The following JAZF1 variants were observed in gnomAD, a reference collection of about 807,000 sequenced individuals.
JAZF1 encodes JAZF zinc finger 1.
In JAZF1, 8 loss-of-function variants were observed where a neutral mutation model predicts 26.4. That is an observed-to-expected ratio of 0.30 (90% confidence interval 0.18 to 0.55). The LOEUF is 0.55. Ranked by LOEUF, JAZF1 falls within the 20% of genes least tolerant of loss-of-function variation. The pLI is 0.94. For missense variants in JAZF1, 199 were observed against 322.0 expected, an observed-to-expected ratio of 0.62 and a Z score of 2.92; for synonymous variants, 126 against 122.3, an observed-to-expected ratio of 1.03 and a Z score of -0.20.
At chr7:27,957,151 GAATTT>G (rs75709769) in intron 2 of JAZF1, among the ~76,000 whole-genome samples, 10,188 of 152,126 alleles carry the variant, frequency 0.067, 460 homozygotes, top group South Asian at 0.15. Flanking sequence ...TAAGTGAACT[GAATTT>G]AAATCCTCAA....
intron 2 of JAZF1, among the ~76,000 whole-genome samples, chr7:27,962,089 A>G (rs965075606): frequency 2.0e-5 from 3 of 152,230 alleles, no homozygotes; most frequent in African/African-American, 7.2e-5. Context: ...GCTTTTTCAT[A>G]TCAACTTTTG....
chr7:27,971,986 C>T (rs1401116483), intron 2 of JAZF1, among the ~76,000 whole-genome samples: 3 of 152,114 alleles, frequency 2.0e-5, no homozygotes, highest in African/African-American at 7.2e-5. Flanking sequence ...ATTTATTGAG[C>T]TACTACTGTG....
rs185342281 is a variant in JAZF1 at position 28,114,163 on chromosome 7, C to T, written c.115+66300G>A. Among the ~76,000 whole-genome samples the T allele has an allele frequency of 7.8e-4, 119 of 152,258 alleles. 1 individual carries two copies. Among genetic ancestry groups the T allele is most frequent in the Non-Finnish European group, 1.4e-3 (93 of 68,028 alleles). On this transcript the variant is annotated intron_variant, in intron 1 of 4. Transcript: ENST00000283928. Reference sequence around the variant, plus strand: ...GTAACCGAAGTAAGATCCCACAGACCAGACTGTGGAGAACTTCATTATTCC... The same window carrying T: ...GTAACCGAAGTAAGATCCCACAGACTAGACTGTGGAGAACTTCATTATTCC...
At chr7:27,913,896 A>G (rs1784402720) in intron 2 of JAZF1, among the ~76,000 whole-genome samples, 1 of 152,186 alleles carries the variant, frequency 6.6e-6, no homozygotes, top group Admixed American at 6.5e-5. Context: ...GCCTGTGATA[A>G]GCTTTTAACC....
intron 1 of JAZF1, among the ~76,000 whole-genome samples, chr7:28,083,425 A>G (rs187183742): frequency 1.1e-4 from 17 of 152,288 alleles, no homozygotes; most frequent in African/African-American, 3.1e-4. Context: ...TGGGAGTACC[A>G]TGGGTTGCAG....
At chr7:27,948,399 A>G (rs1274468394) in intron 2 of JAZF1, among the ~76,000 whole-genome samples, 5 of 152,176 alleles carry the variant, frequency 3.3e-5, no homozygotes, top group Non-Finnish European at 2.9e-5. Flanking sequence ...ATCTAATCAA[A>G]CAAATCTGGC....
At chr7:28,017,837 G>A (rs1782923927) in intron 1 of JAZF1, among the ~76,000 whole-genome samples, 1 of 152,164 alleles carries the variant, frequency 6.6e-6, no homozygotes, top group African/African-American at 2.4e-5. Flanking sequence ...GCAGTGGCAC[G>A]ATCTCGGTTC....
At chr7:28,038,789 A>G (rs2128376654) in intron 1 of JAZF1, among the ~76,000 whole-genome samples, 1 of 152,352 alleles carries the variant, frequency 6.6e-6, no homozygotes, top group Middle Eastern at 3.4e-3. Flanking sequence ...CAAAAAAGAT[A>G]CAAATTTATT....
intron 3 of JAZF1, among the ~76,000 whole-genome samples, chr7:27,876,021 TC>T: frequency 6.6e-6 from 1 of 152,168 alleles, no homozygotes; most frequent in East Asian, 1.9e-4. Context: ...CACCAAAACT[TC>T]CTAGCAGTGT....
chr7:28,096,796 T>C (rs1406763506), intron 1 of JAZF1, among the ~76,000 whole-genome samples: 1 of 152,226 alleles, frequency 6.6e-6, no homozygotes, highest in Non-Finnish European at 1.5e-5. Context: ...GGAAGCTGAC[T>C]GCAAATGAAA....
chr7:28,068,326 A>G (rs1472885542), intron 1 of JAZF1, among the ~76,000 whole-genome samples: 1 of 152,100 alleles, frequency 6.6e-6, no homozygotes, highest in Non-Finnish European at 1.5e-5. Context: ...TAAAATACAA[A>G]AAGGATATGT....
At chr7:27,875,156 G>T (rs1783654353) in intron 3 of JAZF1, among the ~76,000 whole-genome samples, 1 of 152,138 alleles carries the variant, frequency 6.6e-6, no homozygotes. Flanking sequence ...TCCCATCCGT[G>T]CAAGAAATGG....
Position 28,169,860 on chromosome 7 carries a change from T to C in JAZF1, c.115+10603A>G, listed in dbSNP as rs565018074. On this transcript the variant is annotated intron_variant, in intron 1 of 4. Transcript: ENST00000283928. ...TATATGGAAAATCAGGCAGCTAAAT[T>C]AGCATTCGAGAGGCTCTCGCTAAAT... Among the ~76,000 whole-genome samples, 10 of 152,306 alleles carry C rather than the reference T, an allele frequency of 6.6e-5. No individual in the cohort carries two copies. In the South Asian group the frequency reaches 1.0e-3, roughly 16 times the overall value.
chr7:28,158,855 T>C (rs1361264526), intron 1 of JAZF1, among the ~76,000 whole-genome samples: 1 of 152,160 alleles, frequency 6.6e-6, no homozygotes, highest in African/African-American at 2.4e-5. Context: ...AGCATTTGAA[T>C]GAATGTCAAG....
intron 2 of JAZF1, among the ~76,000 whole-genome samples, chr7:27,980,734 A>AT (rs1554279551): frequency 3.3e-5 from 5 of 149,386 alleles, no homozygotes; most frequent in African/African-American, 5.1e-5. Flanking sequence ...TATAAACATC[A>AT]TTTTTTTTAA....
chr7:27,888,687 T>C (rs1191909192), intron 3 of JAZF1, among the ~76,000 whole-genome samples: 1 of 152,172 alleles, frequency 6.6e-6, no homozygotes, highest in Non-Finnish European at 1.5e-5. Context: ...AAGAAATGTT[T>C]CTTAAAAGGC....
At chr7:27,886,497 C>A (rs1783866870) in intron 3 of JAZF1, among the ~76,000 whole-genome samples, 1 of 152,208 alleles carries the variant, frequency 6.6e-6, no homozygotes, top group South Asian at 2.1e-4. Flanking sequence ...TATTCCAACT[C>A]CTTTGGAACT....
At chr7:27,868,766 T>G (rs1313952853) in intron 3 of JAZF1, among the ~76,000 whole-genome samples, 1 of 152,162 alleles carries the variant, frequency 6.6e-6, no homozygotes, top group African/African-American at 2.4e-5. Flanking sequence ...GGGGACTTAC[T>G]CCTTCAAGCT....
At chr7:28,015,531 T>C (rs868041108) in intron 1 of JAZF1, among the ~76,000 whole-genome samples, 7 of 152,214 alleles carry the variant, frequency 4.6e-5, no homozygotes, top group African/African-American at 1.7e-4. Flanking sequence ...GAACAGATGC[T>C]CTGAGATACA....
Sources: allele counts gnomAD v4.1 joint callset (sites outside exome capture counted in the v4.1 genomes callset), GRCh38; gene constraint gnomAD v4.1.1; transcripts MANE v1.5; gene names NCBI Gene and HGNC (gene_info 2026-07-23, HGNC 2026-07-21).